DSCAM: variants seen among roughly 807,000 people sequenced by gnomAD.
DSCAM encodes cell adhesion molecule DSCAM.
DSCAM carries 47 observed loss-of-function variants against 217.7 expected under a neutral mutation model. That is an observed-to-expected ratio of 0.22 (90% CI 0.17 to 0.28). The LOEUF (loss-of-function observed/expected upper bound fraction) is 0.28. Ranked by LOEUF, DSCAM falls within the 10% of genes least tolerant of loss-of-function variation. The pLI is 1.00. For synonymous variants in DSCAM, 1,056 were observed against 1,015.3 expected (o/e 1.04, Z -0.76); for missense variants, 2,080 against 2,618.3 (o/e 0.79, Z 4.49).
chr21:40,577,424 T>C (rs1026026892), intron 3 of DSCAM, among the ~76,000 whole-genome samples: 2 of 149,682 alleles, frequency 1.3e-5, no homozygotes, highest in Admixed American at 6.8e-5. Flanking sequence ...CGGTCACTCT[T>C]TGGGGACCTG....
intron 1 of DSCAM, among the ~76,000 whole-genome samples, chr21:40,768,453 T>C (rs2091415393): frequency 6.6e-6 from 1 of 152,086 alleles, no homozygotes; most frequent in Non-Finnish European, 1.5e-5. Context: ...CTCCCAACAA[T>C]TACAGCTTGT....
At chr21:40,465,062 A>C (rs2075833505) in intron 3 of DSCAM, among the ~76,000 whole-genome samples, 1 of 152,070 alleles carries the variant, frequency 6.6e-6, no homozygotes, top group Admixed American at 6.6e-5. Flanking sequence ...GAACCATGTA[A>C]ATAAAATTGT....
intron 11 of DSCAM, among the ~76,000 whole-genome samples, chr21:40,259,661 CTTTTTTTTTTTTTT>C (rs542106779): frequency 2.5e-4 from 15 of 59,516 alleles, no homozygotes; most frequent in African/African-American, 5.7e-4. Context: ...GTCAGCCATT[CTTTTTTTTTTTTTT>C]TTTTTTTTTT....
At chr21:40,381,175 A>G (rs567614005) in intron 3 of DSCAM, among the ~76,000 whole-genome samples, 2 of 152,214 alleles carry the variant, frequency 1.3e-5, no homozygotes, top group South Asian at 4.1e-4. Context: ...GTCTTGGTGA[A>G]GAGCCCTGAA....
intron 6 of DSCAM, among the ~76,000 whole-genome samples, chr21:40,340,426 A>G (rs1004717154): frequency 6.6e-6 from 1 of 152,202 alleles, no homozygotes; most frequent in South Asian, 2.1e-4. Flanking sequence ...TCCATTTATA[A>G]AAAGAAATAC....
chr21:40,639,667 TTGTG>T (rs947796212), intron 3 of DSCAM, among the ~76,000 whole-genome samples: 64 of 144,272 alleles, frequency 4.4e-4, no homozygotes, highest in African/African-American at 1.6e-3. Context: ...TCGTGATGCT[TTGTG>T]TATGTGTATG....
Position 40,563,656 on chromosome 21 carries a change from A to G in DSCAM, c.508+129154T>C, listed in dbSNP as rs1211256204. ...TATGTGTATATATAGTTATATGTTT[A>G]TGTTTGTTTATATATATGTTTATAT... On this transcript the variant is annotated intron_variant, in intron 3 of 32. Transcript: ENST00000400454. Among the ~76,000 whole-genome samples, 10 of 124,532 alleles carry G rather than the reference A, an allele frequency of 8.0e-5. 1 individual carries two copies. The highest frequency in any genetic ancestry group is 2.7e-4 in the African/African-American group (8 of 29,614). 81.7% of individuals were successfully genotyped at this position (124,532 alleles called of 152,430 possible).
intron 11 of DSCAM, among the ~76,000 whole-genome samples, chr21:40,206,270 G>A (rs1300179331): frequency 6.6e-6 from 1 of 152,224 alleles, no homozygotes; most frequent in Non-Finnish European, 1.5e-5. Context: ...GGAACAGGAT[G>A]TGAGGATGAA....
intron 1 of DSCAM, among the ~76,000 whole-genome samples, chr21:40,744,669 G>A (rs1391566466): frequency 6.6e-6 from 1 of 152,082 alleles, no homozygotes; most frequent in Non-Finnish European, 1.5e-5. Context: ...AACACCAGCA[G>A]AAGCTGGAAG....
intron 3 of DSCAM, among the ~76,000 whole-genome samples, chr21:40,593,413 C>A (rs982454757): frequency 6.6e-6 from 1 of 151,984 alleles, no homozygotes; most frequent in African/African-American, 2.4e-5. Context: ...GCAACCTCTG[C>A]CTCCTGGGTC....
chr21:40,572,952 A>G (rs924834200), intron 3 of DSCAM, among the ~76,000 whole-genome samples: 14 of 152,350 alleles, frequency 9.2e-5, no homozygotes, highest in Middle Eastern at 3.4e-3. Flanking sequence ...ATACACTACA[A>G]TTTCTTGAGA....
intron 11 of DSCAM, among the ~76,000 whole-genome samples, chr21:40,270,630 A>T (rs1337142609): frequency 2.0e-5 from 3 of 152,162 alleles, no homozygotes; most frequent in Non-Finnish European, 2.9e-5. Context: ...CTCAATTTTA[A>T]TTCCAGTGTT....
intron 11 of DSCAM, among the ~76,000 whole-genome samples, chr21:40,208,134 A>G (rs1202411326): frequency 6.6e-6 from 1 of 152,184 alleles, no homozygotes; most frequent in African/African-American, 2.4e-5. Flanking sequence ...GTATGTTCCC[A>G]TCAACAAATA....
intron 20 of DSCAM, among the ~76,000 whole-genome samples, chr21:40,104,396 T>G (rs954225139): frequency 8.5e-5 from 13 of 152,176 alleles, no homozygotes; most frequent in African/African-American, 3.1e-4. Flanking sequence ...TAAAGCCAAT[T>G]TATTTCCTTA....
At chr21:40,105,283 C>T (rs2089804048) in intron 20 of DSCAM, among the ~76,000 whole-genome samples, 1 of 152,104 alleles carries the variant, frequency 6.6e-6, no homozygotes, top group Admixed American at 6.6e-5. Flanking sequence ...TGAAATATAG[C>T]TTCAACAGAA....
At chr21:40,319,437 A>ATGTGTG (rs536367981) in intron 8 of DSCAM, among the ~76,000 whole-genome samples, 3 of 151,490 alleles carry the variant, frequency 2.0e-5, no homozygotes, top group African/African-American at 7.3e-5. Context: ...TCGTGTGTGC[A>ATGTGTG]TGTGTGTGTG....
intron 20 of DSCAM, among the ~76,000 whole-genome samples, chr21:40,114,404 AAATT>A (rs2089940996): frequency 6.6e-6 from 1 of 151,362 alleles, no homozygotes; most frequent in Non-Finnish European, 1.5e-5. Flanking sequence ...CCTTATACAA[AAATT>A]AATTCAAGAT....
intron 20 of DSCAM, among the ~76,000 whole-genome samples, chr21:40,117,210 C>T (rs1242032599): frequency 6.6e-6 from 1 of 152,058 alleles, no homozygotes; most frequent in Admixed American, 6.6e-5. Flanking sequence ...TTAGATGACT[C>T]ACAGTCATCA....
At chr21:40,582,256 A>G (rs936525580) in intron 3 of DSCAM, among the ~76,000 whole-genome samples, 3 of 152,224 alleles carry the variant, frequency 2.0e-5, no homozygotes, top group African/African-American at 7.2e-5. Context: ...GTGTTACAAT[A>G]GTGTTTAAAT....
Sources: allele counts gnomAD v4.1 joint callset (sites outside exome capture counted in the v4.1 genomes callset), GRCh38; gene constraint gnomAD v4.1.1; transcripts MANE v1.5; gene names NCBI Gene and HGNC (gene_info 2026-07-23, HGNC 2026-07-21).